Variants in COL20A1 observed in about 807,000 individuals in gnomAD.
The protein encoded by COL20A1 is collagen alpha-1(XX) chain.
COL20A1 carries 164 observed loss-of-function variants against 152.9 expected under a neutral mutation model. The ratio of observed to expected loss-of-function variants is 1.07; its 90% CI spans 0.94 to 1.22. The LOEUF (loss-of-function observed/expected upper bound fraction) is 1.22, where lower values mean the gene tolerates loss of function less well. Among genes scored for constraint, COL20A1 ranks in the 50% most tolerant of loss-of-function variants. The pLI, the probability that COL20A1 is intolerant of heterozygous loss-of-function variation, is 0.00. For synonymous variants in COL20A1, 864 were observed against 756.0 expected (o/e 1.14, Z -2.34); for missense variants, 1,873 against 1,744.8 (o/e 1.07, Z -1.31).
chr20:63,328,815 G>T (rs1469766959), intron 34 of COL20A1, among the ~76,000 whole-genome samples: 1 of 70,028 alleles, frequency 1.4e-5, no homozygotes, highest in East Asian at 5.3e-4. Flanking sequence ...CCTTCCTCCC[G>T]CCCTCCCGCC....
chr20:63,326,055 G>C (rs974822187), intron 29 of COL20A1, 41 bp from the exon 30 acceptor site: 3 of 1,588,914 alleles, frequency 1.9e-6, no homozygotes, highest in Non-Finnish European at 1.7e-6. Context: ...GCTGGGTACA[G>C]GTACAAACCC....
At chr20:63,316,464 C>A in intron 20 of COL20A1, 89 bp from the exon 21 acceptor site, 1 of 811,508 alleles carries the variant, frequency 1.2e-6, no homozygotes, top group Non-Finnish European at 1.7e-6. Context: ...GCCCCTGGGT[C>A]CCTCTTGAGT....
Position 63,305,305 on chromosome 20 carries a change from A to G in COL20A1, c.194-112A>G. On this transcript the variant is annotated intron_variant, in intron 3 of 35. Coordinates refer to ENST00000358894, the MANE Select transcript of COL20A1 (RefSeq NM_020882.4). The surrounding 1 kb of genome is among the most constrained non-coding windows in gnomAD (Gnocchi z 4.9). Reference sequence around the variant, plus strand: ...TCTCCCTTTCTGTCTCTCTGGCTTCAAGGGGAGCAGCTGGGGTGGGGAGGA... The same window carrying G: ...TCTCCCTTTCTGTCTCTCTGGCTTCGAGGGGAGCAGCTGGGGTGGGGAGGA... 1 of 842,518 alleles carries G rather than the reference A, an allele frequency of 1.2e-6. No homozygotes were observed. The highest frequency in any genetic ancestry group is 1.7e-6 in the Non-Finnish European group (1 of 594,394). The allele number at this position is 842,518 out of a possible 1,614,324, so 52.2% of individuals were successfully genotyped here. A position where few individuals can be genotyped will look rare whatever the true frequency, so the allele number is the denominator to read the frequency against.
chr20:63,329,435 CGCT>C (rs2123440925), intron 34 of COL20A1, 147 bp from the exon 35 acceptor site: 1 of 634,030 alleles, frequency 1.6e-6, no homozygotes, highest in South Asian at 1.8e-5. Context: ...GGACCTGGCA[CGCT>C]GCTGCCCCTA....
At chr20:63,300,852 G>A (rs1223922726) in intron 3 of COL20A1, among the ~76,000 whole-genome samples, 1 of 152,132 alleles carries the variant, frequency 6.6e-6, no homozygotes, top group Non-Finnish European at 1.5e-5. Context: ...TATCATTCAG[G>A]TAAAAATATC....
Position 63,319,594 on chromosome 20 carries a change from A to T in COL20A1, c.2914A>T (p.Lys972Ter). 1 of 1,571,138 alleles carries T rather than the reference A, an allele frequency of 6.4e-7. No individual in the cohort carries two copies. Among genetic ancestry groups the T allele is most frequent in the Non-Finnish European group, 8.6e-7 (1 of 1,158,408 alleles). Residue 972 changes from lysine (K) to a stop codon, truncating the protein, a stop_gained and splice_region_variant, in exon 23 of 36, where the codon AAG (lysine) becomes TAG (stop). Coordinates refer to ENST00000358894, the MANE Select transcript of COL20A1 (RefSeq NM_020882.4). LOFTEE classifies it high-confidence loss of function. This position sits in a 1 kb window ranked among gnomAD's most constrained non-coding sequence, Gnocchi z 4.4. The stretch of plus-strand genomic sequence containing the variant: ...GAAGATTTTCTTCGGGAGCTTCCAC[A>T]AGGTCCTGGTGCAGCTCGCGCCCCT... ...VRKIFFGSFH[K>*]VHVAVGRSKV...
In COL20A1 at chr20:63,329,577, C is replaced by T. The variant is rs370132134; in HGVS notation, c.3782-8C>T. On this transcript the variant is annotated splice_polypyrimidine_tract_variant and splice_region_variant and intron_variant, in intron 34 of 35. Transcript: ENST00000358894. ...CTCCGTCCTCACATGCCCTCCCTTT[C>T]CTCGCAGGGGAGCCTGGAGCTGTTG... The T allele has an allele frequency of 6.0e-5, 96 of 1,608,210 alleles. No homozygotes were observed. Among genetic ancestry groups the T allele is most frequent in the Non-Finnish European group, 8.1e-5 (96 of 1,178,478 alleles).
chr20:63,313,744 C>A lies in COL20A1; in HGVS notation c.2211C>A (p.Ser737=). Residue 737 remains serine, a splice_region_variant and synonymous_variant, in exon 18 of 36, where the codon TCC becomes TCA. Coordinates refer to ENST00000358894, the MANE Select transcript of COL20A1 (RefSeq NM_020882.4). The surrounding 1 kb of genome is among the most constrained non-coding windows in gnomAD (Gnocchi z 5.9). ...CACACAACCCATGCTCTCGGCCAGC[C>A]ACGGTGAGCAGGAGCCCACCCTCCA... ...SDPVSLRYTP[S]TVSRSPPSNL... is the part of the protein sequence containing the mutation. 1 of 1,585,038 alleles carries A rather than the reference C, an allele frequency of 6.3e-7. No homozygotes were observed. Among genetic ancestry groups the A allele is most frequent in the Non-Finnish European group, 8.6e-7 (1 of 1,167,954 alleles).
Position 63,305,424 on chromosome 20 carries a change from G to T in COL20A1, c.201G>T (p.Ser67=). ...LVQVKPMAGD[S]EQEVILTTKT... ...CTCCCCACCCCTACCCAGGGGACTC[G>T]GAACAGGAGGTGATACTGACCACCA... The change falls in exon 4 of 36, where the codon TCG becomes TCT. Residue 67 remains serine, a synonymous_variant. Transcript: ENST00000358894. This position sits in a 1 kb window ranked among gnomAD's most constrained non-coding sequence, Gnocchi z 4.9. 1 of 1,539,304 alleles carries T rather than the reference G, an allele frequency of 6.5e-7. No individual in the cohort carries two copies. Among genetic ancestry groups the T allele is most frequent in the East Asian group, 2.4e-5 (1 of 41,394 alleles).
Position 63,313,907 on chromosome 20 carries a change from G to A in COL20A1, c.2358+16G>A. Reference sequence around the variant, plus strand: ...CGAGAAATCCGTGAGTCTTGGTAGAGCCTGAGGCTGCCCCACCTCGTGGGG... The same window carrying A: ...CGAGAAATCCGTGAGTCTTGGTAGAACCTGAGGCTGCCCCACCTCGTGGGG... On this transcript the variant is annotated intron_variant, in intron 18 of 35. Transcript: ENST00000358894. The surrounding 1 kb of genome is among the most constrained non-coding windows in gnomAD (Gnocchi z 5.9). 2 of 1,588,886 alleles carry A rather than the reference G, an allele frequency of 1.3e-6. No homozygotes were observed. Among genetic ancestry groups the A allele is most frequent in the Non-Finnish European group, 1.7e-6 (2 of 1,167,642 alleles).
chr20:63,308,112 C>CCCT (rs1165224630), intron 7 of COL20A1, 22 bp downstream of exon 7: 2 of 1,610,610 alleles, frequency 1.2e-6, no homozygotes, highest in African/African-American at 2.7e-5. Context: ...GCCTGCCCCT[C>CCCT]CCTCTGTCCT....
At chr20:63,326,387 C>G (rs2068248408) in intron 30 of COL20A1, among the ~76,000 whole-genome samples, 1 of 152,174 alleles carries the variant, frequency 6.6e-6, no homozygotes, top group African/African-American at 2.4e-5. Flanking sequence ...CCTGGGAGAC[C>G]TTGGAGGGGG....
Position 63,323,598 on chromosome 20 carries a change from T to C in COL20A1, c.3294+1487T>C, listed in dbSNP as rs149264271. 6.8e-4 allele frequency among the ~76,000 whole-genome samples: 104 copies of C among 152,162 alleles called. No homozygotes were observed. In the East Asian group the frequency reaches 0.02, roughly 29 times the overall value. On this transcript the variant is annotated intron_variant, in intron 27 of 35. Coordinates refer to ENST00000358894, the MANE Select transcript of COL20A1 (RefSeq NM_020882.4). ...CACAGACCACCCCTGGTCGCCTGAG[T>C]CGTTCATTACACAGCCAGCCCCTTG...
intron 3 of COL20A1, among the ~76,000 whole-genome samples, chr20:63,304,390 G>T (rs111174530): frequency 1.9e-5 from 2 of 106,952 alleles, no homozygotes; most frequent in Non-Finnish European, 2.0e-5. Context: ...CAGGTGTGCA[G>T]GTGTGGGTTC....
rs1218421919 is a variant in COL20A1, at chr20:63,334,409, CT to C, written c.*3696del. 6.6e-6 allele frequency: 1 copy of C among 152,156 alleles called. No homozygotes were observed. The highest frequency in any genetic ancestry group is 1.5e-5 in the Non-Finnish European group (1 of 68,044). 9.4% of individuals were successfully genotyped at this position (152,156 alleles called of 1,614,324 possible). On this transcript the variant is annotated 3_prime_UTR_variant, in exon 36 of 36. Transcript: ENST00000358894. ...GCAATTTATAGCTGTAAATACAGTGCTTTGTTTTGTTTTCTTGTTTTTTGAG... is the reference window on the plus strand; with the variant it reads ...GCAATTTATAGCTGTAAATACAGTGCTTGTTTTGTTTTCTTGTTTTTTGAG...
chr20:63,300,524 A>C (rs1429504781), intron 3 of COL20A1, among the ~76,000 whole-genome samples: 1 of 152,094 alleles, frequency 6.6e-6, no homozygotes, highest in Non-Finnish European at 1.5e-5. Flanking sequence ...TACCCCATAG[A>C]CTCTATAGTT....
rs1268758699 is a variant in COL20A1 at position 63,313,400 on chromosome 20, C to T, written c.2209+151C>T. 6.6e-6 allele frequency among the ~76,000 whole-genome samples: 1 copy of T among 152,184 alleles called. No homozygotes were observed. The highest frequency in any genetic ancestry group is 6.5e-5 in the Admixed American group (1 of 15,280). On this transcript the variant is annotated intron_variant, in intron 17 of 35. Coordinates refer to ENST00000358894, the MANE Select transcript of COL20A1 (RefSeq NM_020882.4). The surrounding 1 kb of genome is among the most constrained non-coding windows in gnomAD (Gnocchi z 5.9). ...CACTGGGCCTGGTCGTTGGAGTCTG[C>T]AGCACTTCCTTGAGCTCACACGGGT...
rs1371788641 is a variant in COL20A1 at position 63,312,551 on chromosome 20, TGA to T, written c.1933+4_1933+5del. On this transcript the variant is annotated splice_donor_region_variant and intron_variant, in intron 15 of 35. Coordinates refer to ENST00000358894, the MANE Select transcript of COL20A1 (RefSeq NM_020882.4). ...CGCTGACTGGCCGGGTGACCACCAG[TGA>T]GTGGGGAGAGGCTGGGGCTGGGGGT... 1 of 1,571,664 alleles carries T rather than the reference TGA, an allele frequency of 6.4e-7. No homozygotes were observed.
chr20:63,305,261 T>C lies in COL20A1; in HGVS notation c.194-156T>C, dbSNP rs2067908677. 6.6e-6 allele frequency among the ~76,000 whole-genome samples: 1 copy of C among 152,024 alleles called. No homozygotes were observed. The highest frequency in any genetic ancestry group is 1.5e-5 in the Non-Finnish European group (1 of 67,990). On this transcript the variant is annotated intron_variant, in intron 3 of 35. Coordinates refer to ENST00000358894, the MANE Select transcript of COL20A1 (RefSeq NM_020882.4). The surrounding 1 kb of genome is among the most constrained non-coding windows in gnomAD (Gnocchi z 4.9). ...TGTCACATTATTACCCAGGAGCCCA[T>C]GTCCCTTCCATCAGACCCTCTCCCT...
Sources: allele counts gnomAD v4.1 joint callset (sites outside exome capture counted in the v4.1 genomes callset), GRCh38; gene constraint gnomAD v4.1.1; non-coding constraint Gnocchi (gnomAD v3.1); transcripts MANE v1.5; gene names NCBI Gene and HGNC (gene_info 2026-07-23, HGNC 2026-07-21).